CHN2: variants seen among roughly 807,000 people sequenced by gnomAD.
CHN2 encodes the protein chimerin 2.
CHN2 carries 35 observed loss-of-function variants against 56.3 expected under a neutral mutation model. The ratio of observed to expected loss-of-function variants is 0.62; its 90% CI spans 0.47 to 0.82. The LOEUF (loss-of-function observed/expected upper bound fraction) is 0.82. Among genes scored for constraint, CHN2 ranks in the 40% least tolerant of loss-of-function variants. The pLI is 0.00. For synonymous variants in CHN2, 210 were observed against 212.8 expected (o/e 0.99, Z 0.12); for missense variants, 491 against 580.5 (o/e 0.85, Z 1.58).
intron 1 of CHN2, among the ~76,000 whole-genome samples, chr7:29,332,266 T>G (rs181769678): frequency 1.7e-4 from 26 of 152,186 alleles, no homozygotes; most frequent in African/African-American, 6.3e-4. Context: ...TCTTTTAAAG[T>G]AGGGAAAATG....
intron 1 of CHN2, among the ~76,000 whole-genome samples, chr7:29,278,268 G>C (rs1453470644): frequency 1.3e-5 from 2 of 152,142 alleles, no homozygotes; most frequent in East Asian, 1.9e-4. Context: ...GGTGCAGCCT[G>C]GGTATTTACC....
chr7:29,363,087 C>T (rs1196672846), intron 2 of CHN2, among the ~76,000 whole-genome samples: 1 of 152,134 alleles, frequency 6.6e-6, no homozygotes, highest in Non-Finnish European at 1.5e-5. Flanking sequence ...GGAGATGGCC[C>T]CTTTGACTCC....
chr7:29,298,969 T>C (rs1793419714), intron 1 of CHN2, among the ~76,000 whole-genome samples: 1 of 152,202 alleles, frequency 6.6e-6, no homozygotes, highest in Admixed American at 6.5e-5. Context: ...CAAGGATAAC[T>C]ATTTTTACCA....
chr7:29,389,227 A>G (rs2128069047), intron 3 of CHN2, among the ~76,000 whole-genome samples: 1 of 152,280 alleles, frequency 6.6e-6, no homozygotes, highest in East Asian at 1.9e-4. Flanking sequence ...TGAAAATCTT[A>G]TTCTCTTATG....
At chr7:29,219,556 T>C (rs1185158774) in intron 1 of CHN2, among the ~76,000 whole-genome samples, 11 of 152,310 alleles carry the variant, frequency 7.2e-5, no homozygotes, top group Non-Finnish European at 1.5e-4. Context: ...CCAGACTGGA[T>C]ACAGATAACC....
chr7:29,394,882 A>AC (rs1340499814), intron 4 of CHN2, among the ~76,000 whole-genome samples: 2 of 152,152 alleles, frequency 1.3e-5, no homozygotes, highest in Non-Finnish European at 2.9e-5. Context: ...TCATCTTCTT[A>AC]CCCCCAATTC....
intron 3 of CHN2, among the ~76,000 whole-genome samples, chr7:29,370,224 G>T (rs1799500275): frequency 6.6e-6 from 1 of 152,108 alleles, no homozygotes; most frequent in African/African-American, 2.4e-5. Context: ...GCAAGTGAAG[G>T]CGCCACTTTC....
At chr7:29,427,857 G>T (rs1242987715) in intron 6 of CHN2, among the ~76,000 whole-genome samples, 1 of 151,764 alleles carries the variant, frequency 6.6e-6, no homozygotes, top group Non-Finnish European at 1.5e-5. Context: ...GGGTTTCACC[G>T]TGTTGGCCAG....
At chr7:29,147,070 G>T in intron 2 of CHN2, 1 of 1,434,306 alleles carries the variant, frequency 7.0e-7, no homozygotes, top group Non-Finnish European at 9.4e-7. Flanking sequence ...TTTTGCAATT[G>T]GGGGACACAA....
intron 1 of CHN2, among the ~76,000 whole-genome samples, chr7:29,295,314 AACACACACACACAC>A (rs58693628): frequency 5.5e-5 from 8 of 144,962 alleles, no homozygotes; most frequent in Admixed American, 1.4e-4. Context: ...TTTAGCTGTG[AACACACACACACAC>A]ACACACACAC....
In CHN2 at chr7:29,222,882, A is replaced by G. The variant is rs575379920; in HGVS notation, c.49+27892A>G. On this transcript the variant is annotated intron_variant, in intron 1 of 12. Coordinates refer to ENST00000222792, the MANE Select transcript of CHN2 (RefSeq NM_004067.4). ...GCTGCAATAATTAAGATAGTATGAT[A>G]TTGGCTCAAGGATACATGAATAGAG... Among the ~76,000 whole-genome samples the G allele has an allele frequency of 3.9e-5, 6 of 152,340 alleles. No homozygotes were observed. In the East Asian group the frequency reaches 1.2e-3, roughly 29 times the overall value.
At chr7:29,237,486 C>A (rs1019259080) in intron 1 of CHN2, among the ~76,000 whole-genome samples, 1 of 143,288 alleles carries the variant, frequency 7.0e-6, no homozygotes. Flanking sequence ...TCTTAGAAGT[C>A]ATCACAAAAC....
chr7:29,156,219 T>C (rs925212481), intron 2 of CHN2, among the ~76,000 whole-genome samples: 1 of 152,204 alleles, frequency 6.6e-6, no homozygotes, highest in Non-Finnish European at 1.5e-5. Flanking sequence ...TGTTTAGAAG[T>C]TCTTCTGTGG....
chr7:29,248,590 A>G (rs569710586), intron 1 of CHN2, among the ~76,000 whole-genome samples: 1 of 152,266 alleles, frequency 6.6e-6, no homozygotes, highest in African/African-American at 2.4e-5. Flanking sequence ...TCATCGCACT[A>G]TCCGCAGAGC....
At chr7:29,378,314 A>G (rs1800227089) in intron 3 of CHN2, among the ~76,000 whole-genome samples, 3 of 152,238 alleles carry the variant, frequency 2.0e-5, no homozygotes, top group Admixed American at 2.0e-4. Context: ...AGCATGAACA[A>G]GGAATGATTT....
chr7:29,357,935 G>A (rs569770479), intron 2 of CHN2, among the ~76,000 whole-genome samples: 4 of 152,260 alleles, frequency 2.6e-5, no homozygotes, highest in South Asian at 2.1e-4. Flanking sequence ...CCTTTGAGAG[G>A]TTAATTTTAG....
intron 1 of CHN2, among the ~76,000 whole-genome samples, chr7:29,225,989 ACTTAT>A (rs1562845803): frequency 1.3e-5 from 2 of 152,322 alleles, no homozygotes; most frequent in South Asian, 2.1e-4. Context: ...CAGAAAGATT[ACTTAT>A]CTTATAATTA....
chr7:29,286,725 A>G (rs113446634), intron 1 of CHN2, among the ~76,000 whole-genome samples: 6 of 152,338 alleles, frequency 3.9e-5, no homozygotes, highest in African/African-American at 1.4e-4. Context: ...TGATTCCACA[A>G]TTCCTTTAGA....
intron 9 of CHN2, among the ~76,000 whole-genome samples, chr7:29,500,250 A>G (rs866513927): frequency 3.9e-5 from 6 of 152,290 alleles, no homozygotes; most frequent in South Asian, 2.1e-4. Flanking sequence ...CCATGCATAT[A>G]TGCATTCAAA....
Sources: allele counts gnomAD v4.1 joint callset (sites outside exome capture counted in the v4.1 genomes callset), GRCh38; gene constraint gnomAD v4.1.1; transcripts MANE v1.5; gene names NCBI Gene and HGNC (gene_info 2026-07-23, HGNC 2026-07-21).